Variants in ESRRB observed in about 807,000 individuals in gnomAD.
ESRRB encodes steroid hormone receptor ERR2.
ESRRB carries 16 observed loss-of-function variants against 46.0 expected under a neutral mutation model. That is an observed-to-expected ratio of 0.35 (90% CI 0.24 to 0.53). The LOEUF is 0.53. Among genes scored for constraint, ESRRB ranks in the 20% least tolerant of loss-of-function variants. The probability of loss-of-function intolerance (pLI) is 0.93; values close to 1 mark genes in which losing one functional copy is unlikely to be tolerated. For missense variants in ESRRB, 488 were observed against 607.4 expected (o/e 0.80, Z 2.07); for synonymous variants, 246 against 259.6 (o/e 0.95, Z 0.50).
chr14:76,332,478 A>G (rs1884024916), intron 1 of ESRRB, among the ~76,000 whole-genome samples: 1 of 114,272 alleles, frequency 8.8e-6, no homozygotes, highest in East Asian at 2.2e-4. Flanking sequence ...CTATATATAT[A>G]TAATATATAA....
At chr14:76,351,972 G>A (rs1451119425) in intron 1 of ESRRB, among the ~76,000 whole-genome samples, 57 of 128,582 alleles carry the variant, frequency 4.4e-4, no homozygotes, top group African/African-American at 1.7e-3. Flanking sequence ...GAGACAGAGT[G>A]AGACCCAGTC....
chr14:76,357,551 C>T (rs1884397132), intron 1 of ESRRB, among the ~76,000 whole-genome samples: 1 of 152,214 alleles, frequency 6.6e-6, no homozygotes, highest in Non-Finnish European at 1.5e-5. Flanking sequence ...GTCTCGCTCC[C>T]TGCCTAGACT....
At chr14:76,498,012 C>T (rs534451459) in intron 6 of ESRRB, among the ~76,000 whole-genome samples, 12 of 152,154 alleles carry the variant, frequency 7.9e-5, no homozygotes, top group African/African-American at 1.2e-4. Context: ...CCCCTGTAGA[C>T]GCCAGTCTCT....
At chr14:76,312,876 T>C (rs1883755318) in intron 1 of ESRRB, among the ~76,000 whole-genome samples, 1 of 152,118 alleles carries the variant, frequency 6.6e-6, no homozygotes, top group South Asian at 2.1e-4. Context: ...AATGTGGCTT[T>C]TAAAAATGCC....
chr14:76,430,426 G>T (rs1887390779), intron 1 of ESRRB, among the ~76,000 whole-genome samples: 1 of 152,126 alleles, frequency 6.6e-6, no homozygotes, highest in Admixed American at 6.5e-5. Context: ...TTTCCCTCCT[G>T]GTCTATGGCA....
intron 2 of ESRRB, among the ~76,000 whole-genome samples, chr14:76,445,974 C>A (rs1448195082): frequency 6.6e-6 from 1 of 152,232 alleles, no homozygotes; most frequent in Non-Finnish European, 1.5e-5. Context: ...GCGTGAGCCA[C>A]TGCGTCCAAT....
intron 3 of ESRRB, among the ~76,000 whole-genome samples, chr14:76,463,838 AC>A (rs1888994397): frequency 6.6e-6 from 1 of 151,804 alleles, no homozygotes; most frequent in Non-Finnish European, 1.5e-5. Context: ...CCTCTTCCTC[AC>A]TTTCTCTACT....
At chr14:76,340,726 C>A (rs1020287087) in intron 1 of ESRRB, among the ~76,000 whole-genome samples, 2 of 152,174 alleles carry the variant, frequency 1.3e-5, no homozygotes, top group Admixed American at 6.5e-5. Flanking sequence ...TGTGAATTTC[C>A]TGCTTAGCTG....
chr14:76,346,512 C>T (rs144699899), intron 1 of ESRRB, among the ~76,000 whole-genome samples: 49 of 152,318 alleles, frequency 3.2e-4, no homozygotes, highest in African/African-American at 1.1e-3. Flanking sequence ...CTTTTGTCTG[C>T]TGGAGGGACT....
chr14:76,470,866 T>A (rs1016986878), intron 3 of ESRRB, among the ~76,000 whole-genome samples: 4 of 152,142 alleles, frequency 2.6e-5, no homozygotes, highest in African/African-American at 9.7e-5. Context: ...TTAAAAAATT[T>A]TTTTTGTAGA....
intron 1 of ESRRB, among the ~76,000 whole-genome samples, chr14:76,385,404 GT>G (rs2139808938): frequency 6.6e-6 from 1 of 152,250 alleles, no homozygotes; most frequent in South Asian, 2.1e-4. Flanking sequence ...TGGACCCTGA[GT>G]AAAAAATTAA....
At chr14:76,396,767 G>A (rs1472630705) in intron 1 of ESRRB, among the ~76,000 whole-genome samples, 1 of 152,176 alleles carries the variant, frequency 6.6e-6, no homozygotes, top group East Asian at 1.9e-4. Flanking sequence ...TAGCCCGGAG[G>A]CTCAACTTCC....
intron 5 of ESRRB, among the ~76,000 whole-genome samples, chr14:76,483,584 A>G (rs1246212558): frequency 1.3e-5 from 2 of 152,104 alleles, no homozygotes; most frequent in Non-Finnish European, 2.9e-5. Flanking sequence ...ATTTTTGTAG[A>G]CACCAACACC....
Position 76,462,438 on chromosome 14 carries a change from G to T in ESRRB, c.461-107G>T, listed in dbSNP as rs1001230853. ...CACCTGCTTTGAGAACACTAGGGGG[G>T]AGTGGCAGCTCTGGCAAATTAAAAT... On this transcript the variant is annotated intron_variant, in intron 2 of 6. Transcript: ENST00000644823. 1.7e-5 allele frequency: 13 copies of T among 778,576 alleles called. No individual in the cohort carries two copies. In the African/African-American group the frequency reaches 2.1e-4, roughly 12 times the overall value. 48.2% of individuals were successfully genotyped at this position (778,576 alleles called of 1,614,324 possible). A position where few individuals can be genotyped will look rare whatever the true frequency, so the allele number is the denominator to read the frequency against.
intron 2 of ESRRB, among the ~76,000 whole-genome samples, chr14:76,447,568 C>T (rs1888205483): frequency 6.6e-6 from 1 of 152,150 alleles, no homozygotes. Flanking sequence ...GCCCCAGAAG[C>T]ACCCCAGTTG....
upstream of ESRRB, among the ~76,000 whole-genome samples, chr14:76,375,274 A>T (rs1884723789): frequency 6.6e-6 from 1 of 152,190 alleles, no homozygotes; most frequent in African/African-American, 2.4e-5. Context: ...TCATTTTGGT[A>T]CAGTGGCATC....
intron 1 of ESRRB, among the ~76,000 whole-genome samples, chr14:76,319,077 ATCTGC>A (rs1415247007): frequency 6.6e-6 from 1 of 152,168 alleles, no homozygotes; most frequent in Non-Finnish European, 1.5e-5. Context: ...TCTCATGGAA[ATCTGC>A]TCTCCATAAC....
At chr14:76,468,327 A>G (rs1023708835) in intron 3 of ESRRB, among the ~76,000 whole-genome samples, 7 of 151,796 alleles carry the variant, frequency 4.6e-5, no homozygotes, top group Non-Finnish European at 1.0e-4. Flanking sequence ...GTATTGAGCT[A>G]CAGCCTGAGA....
chr14:76,447,243 C>CTCCTTCCT (rs11272399), intron 2 of ESRRB, among the ~76,000 whole-genome samples: 7,247 of 133,080 alleles, frequency 0.054, 281 homozygotes, highest in Admixed American at 0.089. Context: ...TTTCTAAAGT[C>CTCCTTCCT]TCCTTCCTTC....
Sources: allele counts gnomAD v4.1 joint callset (sites outside exome capture counted in the v4.1 genomes callset), GRCh38; gene constraint gnomAD v4.1.1; transcripts MANE v1.5; gene names NCBI Gene and HGNC (gene_info 2026-07-23, HGNC 2026-07-21).